Variants in APBB2 observed in about 807,000 individuals in gnomAD.
The protein encoded by APBB2 is Fe65-like 1.
Under a neutral mutation model 82.5 loss-of-function variants are expected in APBB2, and 38 were observed. The ratio of observed to expected loss-of-function variants is 0.46; its 90% confidence interval spans 0.36 to 0.60. The LOEUF is 0.60. APBB2 is among the 20% of genes least tolerant of loss of function. APBB2 has a pLI of 0.00. For synonymous variants in APBB2, 341 were observed against 368.2 expected (o/e 0.93, Z 0.85); for missense variants, 772 against 972.3 (o/e 0.79, Z 2.74).
chr4:41,019,099 G>A (rs549834118), intron 5 of APBB2, among the ~76,000 whole-genome samples: 3 of 152,180 alleles, frequency 2.0e-5, no homozygotes, highest in African/African-American at 4.8e-5. Flanking sequence ...TCAGCTTCAG[G>A]AGAATGCAGA....
At chr4:40,977,516 T>TC (rs1797483155) in intron 6 of APBB2, among the ~76,000 whole-genome samples, 1 of 152,164 alleles carries the variant, frequency 6.6e-6, no homozygotes, top group Non-Finnish European at 1.5e-5. Flanking sequence ...TTTCGCCATG[T>TC]TGGCCAAGCT....
intron 4 of APBB2, among the ~76,000 whole-genome samples, chr4:41,034,562 T>C (rs1718390006): frequency 6.6e-6 from 1 of 152,222 alleles, no homozygotes; most frequent in Non-Finnish European, 1.5e-5. Flanking sequence ...TGACCTCAAG[T>C]GATCCGCCCA....
At chr4:40,865,473 T>G (rs964470825) in intron 12 of APBB2, among the ~76,000 whole-genome samples, 6 of 152,196 alleles carry the variant, frequency 3.9e-5, no homozygotes, top group Non-Finnish European at 7.3e-5. Context: ...GAATTTTCCC[T>G]CACTGCCAGT....
At chr4:41,126,213 C>G (rs117247229) in intron 2 of APBB2, among the ~76,000 whole-genome samples, 2,432 of 140,110 alleles carry the variant, frequency 0.017, 43 homozygotes, top group African/African-American at 0.041. Flanking sequence ...GATCGTGTCT[C>G]TACAAAAAAA....
At chr4:41,176,859 T>A (rs2154058418) in intron 1 of APBB2, among the ~76,000 whole-genome samples, 1 of 152,178 alleles carries the variant, frequency 6.6e-6, no homozygotes, top group South Asian at 2.1e-4. Context: ...ATTGAAATAA[T>A]CTGAATATGA....
chr4:40,854,140 T>C (rs142878685), intron 12 of APBB2, among the ~76,000 whole-genome samples: 13 of 152,330 alleles, frequency 8.5e-5, no homozygotes, highest in African/African-American at 2.9e-4. Flanking sequence ...AGTATTTTCA[T>C]CTACATTCAT....
At chr4:41,212,780 T>C (rs1779653260) in intron 1 of APBB2, among the ~76,000 whole-genome samples, 1 of 152,218 alleles carries the variant, frequency 6.6e-6, no homozygotes, top group South Asian at 2.1e-4. Context: ...CAACCCACTG[T>C]ACTCTACTGC....
chr4:41,089,031 G>A (rs1453668178), intron 3 of APBB2, among the ~76,000 whole-genome samples: 1 of 152,152 alleles, frequency 6.6e-6, no homozygotes, highest in Non-Finnish European at 1.5e-5. Context: ...TAACAAAGCT[G>A]AGAGAAGGGG....
intron 10 of APBB2, among the ~76,000 whole-genome samples, chr4:40,907,546 T>G (rs1777344147): frequency 6.6e-6 from 1 of 151,266 alleles, no homozygotes; most frequent in South Asian, 2.1e-4. Context: ...GATTTTTGTA[T>G]TTTTAGTAGA....
At chr4:41,167,557 T>C (rs1295819044) in intron 1 of APBB2, among the ~76,000 whole-genome samples, 1 of 152,176 alleles carries the variant, frequency 6.6e-6, no homozygotes, top group Non-Finnish European at 1.5e-5. Context: ...ACAGACTAAA[T>C]GTACAAGTAG....
At chr4:40,873,154 G>T (rs1301443577) in intron 12 of APBB2, among the ~76,000 whole-genome samples, 1 of 151,812 alleles carries the variant, frequency 6.6e-6, no homozygotes, top group Non-Finnish European at 1.5e-5. Context: ...TCCTGCCCTG[G>T]TTAGCATACT....
At chr4:40,923,116 C>T (rs572460636) in intron 10 of APBB2, among the ~76,000 whole-genome samples, 7 of 151,990 alleles carry the variant, frequency 4.6e-5, no homozygotes, top group Middle Eastern at 3.4e-3. Context: ...GCTGGGACTA[C>T]AGGCGCCCGC....
At chr4:41,110,603 CAAA>C (rs33958550) in intron 2 of APBB2, among the ~76,000 whole-genome samples, 51 of 111,672 alleles carry the variant, frequency 4.6e-4, no homozygotes, top group Non-Finnish European at 4.9e-4. Context: ...GACTCTGTCT[CAAA>C]AAAAAAAAAA....
At position 41,071,408 on chromosome 4, in the gene APBB2, C is replaced by T. The variant is rs902043815; in HGVS notation, c.-148-5735G>A. Among the ~76,000 whole-genome samples the T allele has an allele frequency of 3.3e-5, 5 of 152,176 alleles. 1 individual carries two copies. The highest frequency in any genetic ancestry group is 5.9e-5 in the Non-Finnish European group (4 of 68,026). ...AAAATCTCCAGGAATAGGCCGGGCA[C>T]GCTGGCTCACACCTATAATCCTAGC... On this transcript the variant is annotated intron_variant, in intron 3 of 17. Coordinates refer to ENST00000508593, the MANE Select transcript of APBB2 (RefSeq NM_004307.2).
At chr4:40,897,492 T>G (rs1578264354) in intron 10 of APBB2, among the ~76,000 whole-genome samples, 1 of 151,372 alleles carries the variant, frequency 6.6e-6, no homozygotes, top group East Asian at 1.9e-4. Flanking sequence ...CACTCTAGCC[T>G]AGGCGACAAG....
chr4:41,182,354 A>G (rs1771662738), intron 1 of APBB2, among the ~76,000 whole-genome samples: 1 of 152,234 alleles, frequency 6.6e-6, no homozygotes, highest in African/African-American at 2.4e-5. Context: ...GCGAACATTC[A>G]GTACCTGCCT....
At position 41,001,379 on chromosome 4, in the gene APBB2, C is replaced by G. The variant is rs141886581; in HGVS notation, c.835+12204G>C. ...CTGGTAATAAACAACACAACAAAAC[C>G]AGCTTCTCCAACAAGCCATTTATAG... On this transcript the variant is annotated intron_variant, in intron 6 of 17. Coordinates refer to ENST00000508593, the MANE Select transcript of APBB2 (RefSeq NM_004307.2). 8.1e-3 allele frequency among the ~76,000 whole-genome samples: 1,233 copies of G among 152,256 alleles called. 22 individuals are homozygous for G. The highest frequency in any genetic ancestry group is 0.028 in the African/African-American group (1,168 of 41,538).
At chr4:40,977,619 A>T (rs1395883013) in intron 6 of APBB2, among the ~76,000 whole-genome samples, 1 of 152,182 alleles carries the variant, frequency 6.6e-6, no homozygotes, top group African/African-American at 2.4e-5. Flanking sequence ...GGTCTCAATA[A>T]ACTTTTAAAG....
chr4:40,825,454 G>T (rs1749569660), intron 15 of APBB2, among the ~76,000 whole-genome samples: 1 of 152,240 alleles, frequency 6.6e-6, no homozygotes, highest in African/African-American at 2.4e-5. Context: ...CATGTGAGCT[G>T]AATGCTGTGT....
Sources: allele counts gnomAD v4.1 joint callset (sites outside exome capture counted in the v4.1 genomes callset), GRCh38; gene constraint gnomAD v4.1.1; transcripts MANE v1.5; gene names NCBI Gene and HGNC (gene_info 2026-07-23, HGNC 2026-07-21).